GRID2: variants seen among roughly 807,000 people sequenced by gnomAD.
The protein encoded by GRID2 is glutamate ionotropic receptor delta type subunit 2.
A neutral mutation model predicts 114.8 loss-of-function variants in GRID2; 33 were observed. That is an observed-to-expected ratio of 0.29 (90% CI 0.22 to 0.38). The LOEUF is 0.38. GRID2 is among the 10% of genes least tolerant of loss of function. GRID2 has a pLI of 1.00. For missense variants in GRID2, 1,184 were observed against 1,257.7 expected (o/e 0.94, Z 0.89); for synonymous variants, 505 against 449.9 (o/e 1.12, Z -1.55).
chr4:93,580,983 A>G (rs898532062), intron 13 of GRID2, among the ~76,000 whole-genome samples: 1 of 152,034 alleles, frequency 6.6e-6, no homozygotes, highest in African/African-American at 2.4e-5. Flanking sequence ...TCTGGGATAC[A>G]TGTGCAGAAC....
chr4:92,370,510 C>T (rs1196895380), intron 1 of GRID2, among the ~76,000 whole-genome samples: 2 of 151,920 alleles, frequency 1.3e-5, no homozygotes, highest in African/African-American at 2.4e-5. Flanking sequence ...ACTAGCCAGG[C>T]GTGGTGGTGG....
At chr4:92,810,990 C>G (rs1040316890) in intron 2 of GRID2, among the ~76,000 whole-genome samples, 1 of 151,984 alleles carries the variant, frequency 6.6e-6, no homozygotes, top group African/African-American at 2.4e-5. Context: ...ACCATGTTGG[C>G]CAGGTTGGTC....
At chr4:93,595,391 G>A (rs946210795) in intron 13 of GRID2, among the ~76,000 whole-genome samples, 16 of 152,000 alleles carry the variant, frequency 1.1e-4, no homozygotes, top group African/African-American at 3.9e-4. Context: ...TCTGTTATTA[G>A]GAGCCAAACC....
At chr4:93,597,813 C>G (rs1163511924) in intron 13 of GRID2, among the ~76,000 whole-genome samples, 3 of 152,324 alleles carry the variant, frequency 2.0e-5, no homozygotes, top group South Asian at 2.1e-4. Context: ...TACCTTACAA[C>G]CAAATGTTAG....
intron 2 of GRID2, among the ~76,000 whole-genome samples, chr4:92,916,370 T>C (rs1169778474): frequency 6.6e-6 from 1 of 152,076 alleles, no homozygotes; most frequent in Non-Finnish European, 1.5e-5. Flanking sequence ...ACACTGTTTT[T>C]AAATTATACT....
Position 92,853,254 on chromosome 4 carries a change from A to T in GRID2, c.245-231741A>T, listed in dbSNP as rs535939835. On this transcript the variant is annotated intron_variant, in intron 2 of 15. Coordinates refer to ENST00000282020, the MANE Select transcript of GRID2 (RefSeq NM_001510.4). ...TATGACTCAGGAAGTGCCAAAGTGG[A>T]TTATTAAAGGAATGTCAAATAAATA... 5.0e-4 allele frequency among the ~76,000 whole-genome samples: 76 copies of T among 152,182 alleles called. No homozygotes were observed. The East Asian group carries it at 0.013, about 26-fold the overall frequency.
rs12504066 is a variant in GRID2 at position 92,666,237 on chromosome 4, G to C, written c.244+75951G>C. Among the ~76,000 whole-genome samples the C allele has an allele frequency of 6.4e-4, 97 of 151,430 alleles. 1 individual carries two copies. The highest frequency in any genetic ancestry group is 6.3e-3 in the Admixed American group (96 of 15,144). On this transcript the variant is annotated intron_variant, in intron 2 of 15. Coordinates refer to ENST00000282020, the MANE Select transcript of GRID2 (RefSeq NM_001510.4). Reference sequence around the variant, plus strand: ...TTCATTTCAGTTATTATACTTCCCTGTTCCAGACCTTCCTTTTAGTTATTT... The same window carrying C: ...TTCATTTCAGTTATTATACTTCCCTCTTCCAGACCTTCCTTTTAGTTATTT...
At chr4:93,105,717 ATC>A (rs1732158867) in intron 3 of GRID2, among the ~76,000 whole-genome samples, 1 of 152,156 alleles carries the variant, frequency 6.6e-6, no homozygotes. Flanking sequence ...GCAGTCTTTC[ATC>A]TCTCTGAAGA....
intron 1 of GRID2, among the ~76,000 whole-genome samples, chr4:93,800,893 A>C (rs1734915413): frequency 6.6e-6 from 1 of 152,198 alleles, no homozygotes; most frequent in African/African-American, 2.4e-5. Context: ...CTAGGCATAA[A>C]ATATGCTGGA....
chr4:93,362,801 G>A (rs1761996481), intron 8 of GRID2, among the ~76,000 whole-genome samples: 1 of 152,242 alleles, frequency 6.6e-6, no homozygotes, highest in South Asian at 2.1e-4. Flanking sequence ...AATTGCCTTT[G>A]TGCCTGTGAA....
At chr4:93,273,469 C>T (rs202102321) in intron 8 of GRID2, among the ~76,000 whole-genome samples, 8 of 71,186 alleles carry the variant, frequency 1.1e-4, no homozygotes, top group Non-Finnish European at 1.6e-4. Context: ...ATCCCCCCCC[C>T]CAAAAAATAT....
At chr4:93,542,487 C>T (rs1025227098) in intron 13 of GRID2, among the ~76,000 whole-genome samples, 1 of 152,154 alleles carries the variant, frequency 6.6e-6, no homozygotes, top group Non-Finnish European at 1.5e-5. Flanking sequence ...AACATAACCA[C>T]ATCATAGAAT....
chr4:92,827,290 A>C (rs1472631849), intron 2 of GRID2, among the ~76,000 whole-genome samples: 1 of 151,864 alleles, frequency 6.6e-6, no homozygotes, highest in Non-Finnish European at 1.5e-5. Flanking sequence ...TATATATTGG[A>C]AATTATCAGG....
chr4:93,435,548 C>T (rs10516919), intron 10 of GRID2, among the ~76,000 whole-genome samples: 103,275 of 152,002 alleles, frequency 0.68, 35,456 homozygotes, highest in African/African-American at 0.77. Flanking sequence ...TTGCAGAATG[C>T]GGAATCAAAA....
chr4:93,581,946 T>C (rs1042382346), intron 13 of GRID2, among the ~76,000 whole-genome samples: 1 of 152,166 alleles, frequency 6.6e-6, no homozygotes, highest in Non-Finnish European at 1.5e-5. Flanking sequence ...AACATAAGAT[T>C]TTGTGGTTGA....
At chr4:92,755,529 C>T (rs757971532) in intron 2 of GRID2, among the ~76,000 whole-genome samples, 10 of 152,074 alleles carry the variant, frequency 6.6e-5, no homozygotes, top group Non-Finnish European at 1.5e-4. Context: ...GAATTAGGAA[C>T]GCAAAGTGAG....
intron 1 of GRID2, among the ~76,000 whole-genome samples, chr4:92,572,202 T>C (rs1340218129): frequency 7.2e-5 from 11 of 151,914 alleles, no homozygotes; most frequent in Admixed American, 7.2e-4. Context: ...AAAGGGGATA[T>C]CACCACCGAT....
At chr4:93,381,805 G>C (rs1763879421) in intron 8 of GRID2, among the ~76,000 whole-genome samples, 1 of 151,980 alleles carries the variant, frequency 6.6e-6, no homozygotes, top group Non-Finnish European at 1.5e-5. Context: ...AATAATAGTA[G>C]CTTTTATAAT....
intron 8 of GRID2, among the ~76,000 whole-genome samples, chr4:93,371,929 G>A (rs1357259230): frequency 6.6e-6 from 1 of 151,630 alleles, no homozygotes; most frequent in African/African-American, 2.4e-5. Context: ...TGTATTCTTA[G>A]TAGAGACGGG....
Sources: gnomAD v4.1 joint callset for allele counts (sites outside exome capture counted in the v4.1 genomes callset) on GRCh38, gnomAD v4.1.1 for gene constraint, MANE v1.5 for transcripts, NCBI Gene and HGNC (gene_info 2026-07-23, HGNC 2026-07-21) for gene names.